PDK3: variants seen among roughly 807,000 people sequenced by gnomAD.
The protein encoded by PDK3 is pyruvate dehydrogenase kinase 3.
PDK3 carries 12 observed loss-of-function variants against 32.0 expected under a neutral mutation model. That is an observed-to-expected ratio of 0.37 (90% confidence interval 0.24 to 0.61). The LOEUF (loss-of-function observed/expected upper bound fraction) is 0.61, where lower values mean the gene tolerates loss of function less well. Among genes scored for constraint, PDK3 ranks in the 20% least tolerant of loss-of-function variants. The probability of loss-of-function intolerance (pLI) is 0.65; values close to 1 mark genes in which losing one functional copy is unlikely to be tolerated. For synonymous variants in PDK3, 122 were observed against 116.3 expected, an observed-to-expected ratio of 1.05 and a Z score of -0.31; for missense variants, 188 against 316.9, an observed-to-expected ratio of 0.59 and a Z score of 3.09.
At chrX:24,488,964 G>A (rs186763052) in intron 1 of PDK3, among the ~76,000 whole-genome samples, 4 of 112,072 alleles carry the variant, frequency 3.6e-5, no homozygotes, top group Admixed American at 1.9e-4. Flanking sequence ...ATGTAGAGAA[G>A]CCAAGTAAGT....
chrX:24,533,030 C>CT (rs1220322348), intron 10 of PDK3, among the ~76,000 whole-genome samples: 1 of 111,185 alleles, frequency 9.0e-6, no homozygotes. Flanking sequence ...ATTAGGGATG[C>CT]TTAACAGGTA....
exon 12 of PDK3, among the ~76,000 whole-genome samples, chrX:24,543,967 CTTA>C (rs1223017668): frequency 1.8e-5 from 2 of 111,279 alleles, no homozygotes; most frequent in African/African-American, 6.5e-5. Flanking sequence ...ACCCCTTCTG[CTTA>C]TTATTTATCT....
At chrX:24,497,924 G>A (rs983498946) in intron 2 of PDK3, among the ~76,000 whole-genome samples, 2 of 112,088 alleles carry the variant, frequency 1.8e-5, no homozygotes, top group African/African-American at 6.5e-5. Flanking sequence ...GCACTAATGG[G>A]CCTCTCTGGA....
At chrX:24,510,324 C>T (rs1040848690) in intron 5 of PDK3, among the ~76,000 whole-genome samples, 8 of 112,421 alleles carry the variant, frequency 7.1e-5, no homozygotes, top group African/African-American at 2.6e-4. Context: ...TCACATTTTA[C>T]GGTTTCCCAC....
intron 5 of PDK3, among the ~76,000 whole-genome samples, chrX:24,506,144 C>T (rs1394823121): frequency 8.9e-6 from 1 of 111,962 alleles, no homozygotes; most frequent in Non-Finnish European, 1.9e-5. Flanking sequence ...CATTCCTAAA[C>T]CCAGGGAGGA....
intron 1 of PDK3, among the ~76,000 whole-genome samples, chrX:24,466,381 G>A (rs952886379): frequency 8.9e-6 from 1 of 112,052 alleles, no homozygotes; most frequent in Non-Finnish European, 1.9e-5. Context: ...AGCTGGTTGT[G>A]AAACACCTAA....
At chrX:24,494,543 TTGTAATGAA>T (rs1921653674) in intron 1 of PDK3, among the ~76,000 whole-genome samples, 190 bp from the exon 2 acceptor site, 2 of 112,425 alleles carry the variant, frequency 1.8e-5, no homozygotes, top group Non-Finnish European at 3.8e-5. Context: ...AAGTTGCCTC[TTGTAATGAA>T]TGTTCTTTTT....
intron 1 of PDK3, among the ~76,000 whole-genome samples, chrX:24,481,049 C>CTTTTTCTT (rs1555945822): frequency 1.0e-5 from 1 of 97,498 alleles, no homozygotes; most frequent in Non-Finnish European, 2.0e-5. Flanking sequence ...TTTTCTTTTT[C>CTTTTTCTT]TTTTTTTTTT....
At chrX:24,522,128 G>A in intron 6 of PDK3, among the ~76,000 whole-genome samples, 1 of 111,931 alleles carries the variant, frequency 8.9e-6, no homozygotes, top group Non-Finnish European at 1.9e-5. Flanking sequence ...GGCATTTGGA[G>A]CAATGACTGT....
At chrX:24,480,553 C>T (rs904394728) in intron 1 of PDK3, among the ~76,000 whole-genome samples, 8 of 112,005 alleles carry the variant, frequency 7.1e-5, no homozygotes, top group African/African-American at 2.6e-4. Flanking sequence ...TTGGGTTACC[C>T]AGGCGATTGT....
exon 12 of PDK3, chrX:24,547,237 G>A (rs919098543): frequency 5.3e-5 from 6 of 112,439 alleles, no homozygotes; most frequent in Admixed American, 2.8e-4. Context: ...TATTAGAGAC[G>A]TGAGATAGTA....
exon 12 of PDK3, among the ~76,000 whole-genome samples, chrX:24,543,435 ATTTAT>A (rs760124624): frequency 2.7e-5 from 3 of 109,923 alleles, no homozygotes; most frequent in South Asian, 3.8e-4. Context: ...TTACAGTTTT[ATTTAT>A]TTTATTTTAT....
intron 5 of PDK3, 97 bp from the exon 6 acceptor site, chrX:24,518,836 T>TGC (rs1429335175): frequency 1.7e-5 from 7 of 404,002 alleles, no homozygotes; most frequent in Admixed American, 1.6e-4. Flanking sequence ...CATGCACATG[T>TGC]GCACACACAC....
intron 1 of PDK3, among the ~76,000 whole-genome samples, chrX:24,468,293 A>G (rs1042824001): frequency 1.3e-4 from 14 of 111,901 alleles, no homozygotes; most frequent in African/African-American, 4.2e-4. Context: ...ATTTCAGGCC[A>G]GGTAATTTTG....
At chrX:24,549,414 A>G (rs1294354424) in exon 12 of PDK3, 2 of 112,446 alleles carry the variant, frequency 1.8e-5, no homozygotes, top group African/African-American at 6.5e-5. Context: ...TTGAGTGGAC[A>G]GTCAAGGCAA....
chrX:24,540,814 A>G (rs1371626320), exon 12 of PDK3, among the ~76,000 whole-genome samples: 3 of 93,483 alleles, frequency 3.2e-5, no homozygotes, highest in Admixed American at 1.3e-4. Context: ...GCTGTTCCAT[A>G]TGATTATTTT....
intron 5 of PDK3, among the ~76,000 whole-genome samples, chrX:24,511,623 G>A (rs1162504588): frequency 9.0e-6 from 1 of 111,427 alleles, no homozygotes; most frequent in African/African-American, 3.3e-5. Flanking sequence ...CAAGGCGGGT[G>A]GATCACCTGA....
At chrX:24,544,885 A>G (rs977755987) in exon 12 of PDK3, among the ~76,000 whole-genome samples, 2 of 112,131 alleles carry the variant, frequency 1.8e-5, no homozygotes, top group Non-Finnish European at 3.8e-5. Context: ...TTCATAATCT[A>G]CATTTGAGCA....
intron 1 of PDK3, among the ~76,000 whole-genome samples, chrX:24,482,586 A>G (rs779126812): frequency 2.9e-4 from 33 of 112,267 alleles, no homozygotes; most frequent in African/African-American, 1.0e-3. Flanking sequence ...TCTATTAGCA[A>G]TGCTGAGGTT....
Sources: allele counts gnomAD v4.1 joint callset (sites outside exome capture counted in the v4.1 genomes callset), GRCh38; gene constraint gnomAD v4.1.1; transcripts MANE v1.5; gene names NCBI Gene and HGNC (gene_info 2026-07-23, HGNC 2026-07-21).